SYNE3: variants seen among roughly 807,000 people sequenced by gnomAD.
SYNE3 encodes nesprin-3.
In SYNE3, 100 loss-of-function variants were observed where a neutral mutation model predicts 111.2. The observed-to-expected ratio is 0.90, with a 90% CI of 0.77 to 1.06. SYNE3 has a LOEUF of 1.06. Ranked by LOEUF, SYNE3 falls within the 50% of genes least tolerant of loss-of-function variation. The pLI, the probability that SYNE3 is intolerant of heterozygous loss-of-function variation, is 0.00. For missense variants in SYNE3, 1,160 were observed against 1,240.3 expected (o/e 0.94, Z 0.97); for synonymous variants, 547 against 533.9 (o/e 1.02, Z -0.34).
chr14:95,465,825 G>C (rs1018576136), intron 4 of SYNE3, 106 bp downstream of exon 4: 1 of 1,196,442 alleles, frequency 8.4e-7, no homozygotes, highest in Non-Finnish European at 1.1e-6. Flanking sequence ...TAGATTGATA[G>C]TAGGTAAATA....
intron 4 of SYNE3, among the ~76,000 whole-genome samples, chr14:95,463,082 G>C (rs1272086946): frequency 2.0e-5 from 3 of 152,128 alleles, no homozygotes. Flanking sequence ...CTTGAACCCG[G>C]GAGGCAGAGG....
chr14:95,437,065 G>A (rs1886127840), intron 14 of SYNE3, 84 bp from the exon 15 acceptor site: 2 of 1,573,652 alleles, frequency 1.3e-6, no homozygotes, highest in Non-Finnish European at 1.7e-6. Context: ...TGAGGCAGAG[G>A]GGCAGGGACC....
At chr14:95,443,058 G>A in intron 11 of SYNE3, 97 bp downstream of exon 11, 1 of 1,456,748 alleles carries the variant, frequency 6.9e-7, no homozygotes, top group South Asian at 1.3e-5. Context: ...GAGGTTAGAA[G>A]GAATGAAGGC....
At chr14:95,487,634 AAC>A (rs1220583095) in intron 1 of SYNE3, among the ~76,000 whole-genome samples, 1 of 152,186 alleles carries the variant, frequency 6.6e-6, no homozygotes, top group Non-Finnish European at 1.5e-5. Flanking sequence ...CTATAAAGCC[AAC>A]ACCCGTCCAT....
Position 95,500,023 on chromosome 14 carries a change from C to A in SYNE3, c.-15+16573G>T, listed in dbSNP as rs184425596. On this transcript the variant is annotated intron_variant, in intron 1 of 17. Transcript: ENST00000682763. The surrounding 1 kb of genome is among the most constrained non-coding windows in gnomAD (Gnocchi z 4.7). ...TACAGGCACCTGCCACCACACCCGA[C>A]TAATTTTTTTATTTTTAGTAGAGAC... is the stretch of plus-strand genomic sequence containing the variant. Among the ~76,000 whole-genome samples, 4 of 152,202 alleles carry A rather than the reference C, an allele frequency of 2.6e-5. No homozygotes were observed. In the East Asian group the frequency reaches 7.7e-4, roughly 29 times the overall value.
intron 1 of SYNE3, among the ~76,000 whole-genome samples, chr14:95,498,029 TA>T (rs59849522): frequency 0.049 from 6,650 of 134,952 alleles, 443 homozygotes; most frequent in African/African-American, 0.16. Context: ...TCCCAACTCT[TA>T]AAAAAAAAAA....
intron 2 of SYNE3, among the ~76,000 whole-genome samples, chr14:95,472,377 A>G (rs147979920): frequency 6.6e-6 from 1 of 152,280 alleles, no homozygotes; most frequent in African/African-American, 2.4e-5. Flanking sequence ...ACTCCCTCTC[A>G]ATAAACAAAT....
intron 2 of SYNE3, among the ~76,000 whole-genome samples, chr14:95,469,478 C>T (rs1043552311): frequency 2.1e-5 from 3 of 145,962 alleles, no homozygotes; most frequent in East Asian, 2.0e-4. Flanking sequence ...GAGAATTGCT[C>T]GAGCTTAGGA....
At chr14:95,447,135 C>CT (rs11412651) in intron 8 of SYNE3, among the ~76,000 whole-genome samples, 33,131 of 134,322 alleles carry the variant, frequency 0.25, 4,510 homozygotes, top group Admixed American at 0.39. Flanking sequence ...AGTGGTCATT[C>CT]TTTTTTTTTT....
intron 4 of SYNE3, among the ~76,000 whole-genome samples, chr14:95,464,120 C>G (rs2139467821): frequency 6.6e-6 from 1 of 152,304 alleles, no homozygotes; most frequent in South Asian, 2.1e-4. Flanking sequence ...CTTAAACTGT[C>G]AGCATGAAGA....
At chr14:95,476,588 C>A (rs145813835) in intron 1 of SYNE3, among the ~76,000 whole-genome samples, 1 of 152,258 alleles carries the variant, frequency 6.6e-6, no homozygotes, top group Non-Finnish European at 1.5e-5. Flanking sequence ...GGCTGCAAAG[C>A]CTCAGATTTT....
chr14:95,446,190 G>A, intron 8 of SYNE3, 99 bp from the exon 9 acceptor site: 1 of 1,406,844 alleles, frequency 7.1e-7, no homozygotes, highest in Non-Finnish European at 9.7e-7. Context: ...TGCTTAGGAA[G>A]CTCACCTTTG....
intron 4 of SYNE3, among the ~76,000 whole-genome samples, chr14:95,464,517 AAAAC>A (rs1263801556): frequency 3.3e-5 from 5 of 152,246 alleles, no homozygotes; most frequent in East Asian, 1.9e-4. Flanking sequence ...CCTGGGCCTA[AAAAC>A]AAACAAACAA....
intron 17 of SYNE3, among the ~76,000 whole-genome samples, chr14:95,431,251 T>C (rs1329091796): frequency 6.6e-6 from 1 of 152,198 alleles, no homozygotes; most frequent in Non-Finnish European, 1.5e-5. Context: ...CTTCTCCAAG[T>C]CACAACGTGG....
intron 4 of SYNE3, among the ~76,000 whole-genome samples, chr14:95,463,804 C>T (rs890172579): frequency 6.6e-6 from 1 of 152,248 alleles, no homozygotes; most frequent in African/African-American, 2.4e-5. Flanking sequence ...GGGTGGAGTT[C>T]TCATTATTTC....
At chr14:95,467,446 AACC>A (rs1566673397) in intron 3 of SYNE3, among the ~76,000 whole-genome samples, 1 of 152,048 alleles carries the variant, frequency 6.6e-6, no homozygotes, top group Non-Finnish European at 1.5e-5. Flanking sequence ...TGTCCCGGCC[AACC>A]ACCACCCAGC....
At chr14:95,448,272 A>G (rs1886836163) in intron 8 of SYNE3, among the ~76,000 whole-genome samples, 1 of 152,216 alleles carries the variant, frequency 6.6e-6, no homozygotes. Context: ...CACATATGAA[A>G]TTCACTCCAG....
chr14:95,418,415 A>C (rs897211203), intron 17 of SYNE3, among the ~76,000 whole-genome samples: 2 of 152,152 alleles, frequency 1.3e-5, no homozygotes, highest in African/African-American at 4.8e-5. Flanking sequence ...TGAGGATCCA[A>C]TGAGGCAGAG....
intron 1 of SYNE3, among the ~76,000 whole-genome samples, chr14:95,502,448 C>A (rs1246262138): frequency 6.6e-6 from 1 of 152,086 alleles, no homozygotes; most frequent in Non-Finnish European, 1.5e-5. Context: ...CCATCTTCCC[C>A]GGCTGGCTCC....
Sources: gnomAD v4.1 joint callset for allele counts (sites outside exome capture counted in the v4.1 genomes callset) on GRCh38, gnomAD v4.1.1 for gene constraint, Gnocchi (gnomAD v3.1) non-coding constraint, MANE v1.5 for transcripts, NCBI Gene and HGNC (gene_info 2026-07-23, HGNC 2026-07-21) for gene names.